Variants in CRB1 observed in about 807,000 individuals in gnomAD.
CRB1 encodes the protein crumbs cell polarity complex component 1, also known as protein crumbs homolog 1.
A neutral mutation model predicts 120.0 loss-of-function variants in CRB1; 83 were observed. The observed-to-expected ratio is 0.69, with a 90% CI of 0.58 to 0.83. The LOEUF is 0.83. Among genes scored for constraint, CRB1 ranks in the 40% least tolerant of loss-of-function variants. The pLI is 0.00. For synonymous variants in CRB1, 625 were observed against 612.5 expected (o/e 1.02, Z -0.30); for missense variants, 1,699 against 1,687.6 (o/e 1.01, Z -0.12).
chr1:197,340,709 G>A (rs768058656), intron 2 of CRB1, among the ~76,000 whole-genome samples: 3 of 152,120 alleles, frequency 2.0e-5, no homozygotes, highest in Non-Finnish European at 4.4e-5. Flanking sequence ...TGGCTTGGAT[G>A]ACCTGGATGA....
intron 11 of CRB1, among the ~76,000 whole-genome samples, chr1:197,474,792 T>A (rs374140529): frequency 2.9e-4 from 44 of 152,166 alleles, no homozygotes; most frequent in Non-Finnish European, 2.4e-4. Flanking sequence ...ACAGATGACA[T>A]GATTTACCAG....
rs556045457 is a variant in CRB1, at chr1:197,292,871, T to TA, written c.70+24396dup. Among the ~76,000 whole-genome samples the TA allele has an allele frequency of 9.2e-3, 1,401 of 152,048 alleles. 24 individuals are homozygous for TA. Among genetic ancestry groups the TA allele is most frequent in the African/African-American group, 0.031 (1,293 of 41,498 alleles). The stretch of plus-strand genomic sequence containing the variant: ...GACAAAATTCAACAGCACTTCATGC[T>TA]AAAAAAACTCTCAATAAACTAGGTA... On this transcript the variant is annotated intron_variant, in intron 1 of 11. Coordinates refer to ENST00000367400, the MANE Select transcript of CRB1 (RefSeq NM_201253.3).
intron 5 of CRB1, among the ~76,000 whole-genome samples, chr1:197,415,667 G>C (rs528524608): frequency 9.5e-6 from 1 of 105,612 alleles, no homozygotes; most frequent in Non-Finnish European, 1.8e-5. Context: ...TTTTGAGACA[G>C]AGTCTCACTC....
At chr1:197,226,248 G>A in the CRB1 span, among the ~76,000 whole-genome samples, 2 of 152,010 alleles carry the variant, frequency 1.3e-5, no homozygotes, top group Non-Finnish European at 2.9e-5. Flanking sequence ...ATCCTTACAG[G>A]CTACATGAAC....
At chr1:197,239,085 C>G in the CRB1 span, among the ~76,000 whole-genome samples, 1,126 of 151,970 alleles carry the variant, frequency 7.4e-3, 12 homozygotes, top group African/African-American at 0.025. Context: ...ATATCAAGCT[C>G]TATATAATTT....
the CRB1 span, among the ~76,000 whole-genome samples, chr1:197,211,323 TTAA>T: frequency 6.6e-6 from 1 of 152,164 alleles, no homozygotes; most frequent in Non-Finnish European, 1.5e-5. Flanking sequence ...TAAAGAAGAC[TTAA>T]TAATTGAAGA....
chr1:197,286,728 G>C (rs752994096), intron 1 of CRB1, among the ~76,000 whole-genome samples: 7 of 151,810 alleles, frequency 4.6e-5, no homozygotes, highest in Non-Finnish European at 7.4e-5. Flanking sequence ...ACCTCTAAAT[G>C]CACCCTCCAG....
chr1:197,415,358 T>G (rs1663924444), intron 5 of CRB1, among the ~76,000 whole-genome samples: 2 of 152,232 alleles, frequency 1.3e-5, no homozygotes, highest in South Asian at 4.1e-4. Flanking sequence ...GAAACCATGT[T>G]GGTTTTCTGT....
chr1:197,334,639 T>A (rs531235256), intron 2 of CRB1, among the ~76,000 whole-genome samples: 1 of 152,140 alleles, frequency 6.6e-6, no homozygotes, highest in Non-Finnish European at 1.5e-5. Flanking sequence ...CTTTTAAACA[T>A]CCGGAGCTAA....
intron 1 of CRB1, among the ~76,000 whole-genome samples, chr1:197,273,393 G>A (rs1261614468): frequency 1.3e-5 from 2 of 152,188 alleles, no homozygotes; most frequent in South Asian, 2.1e-4. Flanking sequence ...TCACCTGGGA[G>A]GTGGTGTTAT....
the CRB1 span, among the ~76,000 whole-genome samples, chr1:197,204,720 G>A: frequency 7.9e-5 from 12 of 152,164 alleles, no homozygotes; most frequent in East Asian, 2.3e-3. Flanking sequence ...CCCACTCTGC[G>A]GGTTGTCTGT....
At chr1:197,293,501 A>G (rs1656326641) in intron 1 of CRB1, among the ~76,000 whole-genome samples, 1 of 152,186 alleles carries the variant, frequency 6.6e-6, no homozygotes, top group Non-Finnish European at 1.5e-5. Context: ...GGTAATTTAT[A>G]GATTCAATGC....
In CRB1 at chr1:197,270,373, G is replaced by A. The variant is rs537085026; in HGVS notation, c.70+1891G>A. Reference sequence around the variant, plus strand: ...AAACTTTGAGGCACCTCAGGGAGCTGGAATGCCTGGTTAAAATGTGCAGCC... The same window carrying A: ...AAACTTTGAGGCACCTCAGGGAGCTAGAATGCCTGGTTAAAATGTGCAGCC... On this transcript the variant is annotated intron_variant, in intron 1 of 11. Coordinates refer to ENST00000367400, the MANE Select transcript of CRB1 (RefSeq NM_201253.3). Among the ~76,000 whole-genome samples, 5 of 152,250 alleles carry A rather than the reference G, an allele frequency of 3.3e-5. No homozygotes were observed. In the South Asian group the frequency reaches 8.3e-4, roughly 25 times the overall value.
At chr1:197,202,094 TA>T in the CRB1 span, among the ~76,000 whole-genome samples, 2 of 152,082 alleles carry the variant, frequency 1.3e-5, no homozygotes, top group African/African-American at 4.8e-5. Flanking sequence ...ATAAGGAATA[TA>T]AGATGAAGGC....
chr1:197,476,534 A>C (rs948042902), intron 11 of CRB1, among the ~76,000 whole-genome samples: 2 of 152,138 alleles, frequency 1.3e-5, no homozygotes, highest in Non-Finnish European at 2.9e-5. Flanking sequence ...GAATGCACAA[A>C]CTAATGAACC....
At chr1:197,268,782 G>A (rs1654743609) in intron 1 of CRB1, among the ~76,000 whole-genome samples, 1 of 151,986 alleles carries the variant, frequency 6.6e-6, no homozygotes, top group Non-Finnish European at 1.5e-5. Context: ...ATTTTGTTGT[G>A]TTTACGCTTT....
the CRB1 span, among the ~76,000 whole-genome samples, chr1:197,248,076 T>G: frequency 0.021 from 3,226 of 152,134 alleles, 38 homozygotes; most frequent in Middle Eastern, 0.027. Flanking sequence ...ATTTTAAGTC[T>G]GGAAGTGCAT....
At chr1:197,422,356 C>T (rs934111150) in intron 6 of CRB1, among the ~76,000 whole-genome samples, 1 of 151,680 alleles carries the variant, frequency 6.6e-6, no homozygotes, top group African/African-American at 2.4e-5. Context: ...GTGCCACATA[C>T]TAGCATGATA....
chr1:197,475,712 T>C (rs1430723124), intron 11 of CRB1, among the ~76,000 whole-genome samples: 1 of 152,136 alleles, frequency 6.6e-6, no homozygotes, highest in South Asian at 2.1e-4. Flanking sequence ...CTTTATAGTA[T>C]TTTCTCTCAC....
Sources: allele counts gnomAD v4.1 joint callset (sites outside exome capture counted in the v4.1 genomes callset), GRCh38; gene constraint gnomAD v4.1.1; transcripts MANE v1.5; gene names NCBI Gene and HGNC (gene_info 2026-07-23, HGNC 2026-07-21).